Variants in CSMD1 observed in about 807,000 individuals in gnomAD.
CSMD1 encodes CUB and Sushi multiple domains 1, also known as CUB and sushi domain-containing protein 1.
In CSMD1, 213 loss-of-function variants were observed where a neutral mutation model predicts 417.5. That is an observed-to-expected ratio of 0.51 (90% CI 0.46 to 0.57). The LOEUF (loss-of-function observed/expected upper bound fraction) is 0.57, where lower values mean the gene tolerates loss of function less well. Among genes scored for constraint, CSMD1 ranks in the 20% least tolerant of loss-of-function variants. CSMD1 has a pLI of 0.00. For synonymous variants in CSMD1, 2,862 were observed against 1,736.8 expected, an observed-to-expected ratio of 1.65 and a Z score of -16.11; for missense variants, 6,923 against 4,529.7, an observed-to-expected ratio of 1.53 and a Z score of -15.17.
Position 2,978,632 on chromosome 8 carries a change from C to G in CSMD1, c.8546G>C (p.Arg2849Pro), listed in dbSNP as rs753061316. 2 of 1,596,020 alleles carry G rather than the reference C, an allele frequency of 1.3e-6. No homozygotes were observed. Among genetic ancestry groups the G allele is most frequent in the Non-Finnish European group, 1.7e-6 (2 of 1,170,810 alleles). Residue 2849 changes from arginine (R) to proline (P), a missense_variant, in exon 55 of 70, where the codon CGA becomes CCA. Physicochemically the swap from Arg to Pro is moderately radical, Grantham distance 103. Coordinates refer to ENST00000635120, the MANE Select transcript of CSMD1 (RefSeq NM_033225.6). ...CTTACCCAAACACTTGGGCAGGGATCGGTCCCATAAGCCATTTGCCATACA... is the reference window on the plus strand; with the variant it reads ...CTTACCCAAACACTTGGGCAGGGATGGGTCCCATAAGCCATTTGCCATACA... ...LTCMANGLWD[R>P]SLPKCLAISC...
rs533436711 is a variant in CSMD1 at position 3,802,887 on chromosome 8, A to G, written c.819-48845T>C. 3.7e-4 allele frequency among the ~76,000 whole-genome samples: 57 copies of G among 152,312 alleles called. 1 individual carries two copies. The South Asian group carries it at 0.011, about 29-fold the overall frequency. ...AGATGATGTGGTCTTTAAAAAGAAT[A>G]GTTTGATTTGACAAAGGAAAACAGG... On this transcript the variant is annotated intron_variant, in intron 5 of 69. Coordinates refer to ENST00000635120, the MANE Select transcript of CSMD1 (RefSeq NM_033225.6).
At position 3,967,040 on chromosome 8, in the gene CSMD1, G is replaced by T. The variant is rs980272549; in HGVS notation, c.818+30863C>A. Among the ~76,000 whole-genome samples, 7 of 152,172 alleles carry T rather than the reference G, an allele frequency of 4.6e-5. No homozygotes were observed. In the East Asian group the frequency reaches 1.3e-3, roughly 29 times the overall value. ...AATAATCTCCAAGGCCGTTTTAGTT[G>T]AGGTAATCCAGATATTGAAATCAGA... On this transcript the variant is annotated intron_variant, in intron 5 of 69. Transcript: ENST00000635120.
chr8:4,243,661 G>A (rs1328828913), intron 3 of CSMD1, among the ~76,000 whole-genome samples: 1 of 152,120 alleles, frequency 6.6e-6, no homozygotes, highest in South Asian at 2.1e-4. Context: ...ACACATGTGT[G>A]ATATTGCAAC....
chr8:3,703,809 G>A (rs775558517), intron 7 of CSMD1, among the ~76,000 whole-genome samples: 13 of 152,160 alleles, frequency 8.5e-5, no homozygotes, highest in Non-Finnish European at 1.9e-4. Flanking sequence ...GGTGGCTCAT[G>A]ACTGTAATCC....
chr8:4,908,987 C>G (rs1215841074), intron 1 of CSMD1, among the ~76,000 whole-genome samples: 1 of 152,082 alleles, frequency 6.6e-6, no homozygotes, highest in Non-Finnish European at 1.5e-5. Flanking sequence ...TGCTTTTTCT[C>G]GTTTTCTTTT....
chr8:3,732,799 G>A (rs7826718), intron 6 of CSMD1, among the ~76,000 whole-genome samples: 42,102 of 151,962 alleles, frequency 0.28, 6,495 homozygotes, highest in East Asian at 0.41. Context: ...GAGTGATTCC[G>A]TTTCACCTGG....
intron 3 of CSMD1, among the ~76,000 whole-genome samples, chr8:4,190,910 G>A (rs918270963): frequency 1.3e-5 from 2 of 151,110 alleles, no homozygotes; most frequent in South Asian, 2.1e-4. Flanking sequence ...AGAACACATG[G>A]GTACACATAG....
intron 62 of CSMD1, among the ~76,000 whole-genome samples, chr8:2,958,615 T>G (rs1803202156): frequency 6.6e-6 from 1 of 152,234 alleles, no homozygotes; most frequent in Admixed American, 6.5e-5. Context: ...TCTGTGTATC[T>G]GCAGCATGAG....
chr8:3,482,681 T>C (rs954472131), intron 11 of CSMD1, among the ~76,000 whole-genome samples: 3 of 152,180 alleles, frequency 2.0e-5, no homozygotes, highest in Non-Finnish European at 4.4e-5. Flanking sequence ...TACACATGTT[T>C]TTCAAAGCCC....
intron 42 of CSMD1, among the ~76,000 whole-genome samples, chr8:3,111,345 T>C (rs1437909084): frequency 7.0e-6 from 1 of 141,990 alleles, no homozygotes. Flanking sequence ...GATTTGGATC[T>C]TTTCATCAGA....
At chr8:3,849,247 A>G (rs1379099277) in intron 5 of CSMD1, among the ~76,000 whole-genome samples, 2 of 152,154 alleles carry the variant, frequency 1.3e-5, no homozygotes, top group Non-Finnish European at 2.9e-5. Flanking sequence ...AAAACGAAAC[A>G]AAACCACAGG....
At chr8:4,011,614 A>C (rs1192182776) in intron 4 of CSMD1, among the ~76,000 whole-genome samples, 1 of 152,176 alleles carries the variant, frequency 6.6e-6, no homozygotes, top group Non-Finnish European at 1.5e-5. Flanking sequence ...AGTGACATTT[A>C]ACATTCATCC....
At chr8:3,502,723 A>G (rs1796658310) in intron 10 of CSMD1, among the ~76,000 whole-genome samples, 2 of 152,318 alleles carry the variant, frequency 1.3e-5, no homozygotes, top group African/African-American at 4.8e-5. Context: ...AGGGATGAAG[A>G]GCAGGAGCAC....
At chr8:4,737,952 A>G (rs1810352634) in intron 1 of CSMD1, among the ~76,000 whole-genome samples, 1 of 152,192 alleles carries the variant, frequency 6.6e-6, no homozygotes, top group Admixed American at 6.5e-5. Flanking sequence ...TGAAATGTTA[A>G]TTTTCAGGTA....
At chr8:4,425,208 T>C (rs541789106) in intron 2 of CSMD1, among the ~76,000 whole-genome samples, 2 of 152,154 alleles carry the variant, frequency 1.3e-5, no homozygotes, top group African/African-American at 4.8e-5. Context: ...GGTCAAATGA[T>C]ATTAGTTCAG....
At chr8:3,980,963 G>A (rs530859740) in intron 5 of CSMD1, among the ~76,000 whole-genome samples, 77 of 152,216 alleles carry the variant, frequency 5.1e-4, no homozygotes, top group Admixed American at 1.2e-3. Flanking sequence ...AAGAGTAGGG[G>A]CCCTGCTCAC....
At chr8:3,414,598 C>T (rs950790692) in intron 12 of CSMD1, among the ~76,000 whole-genome samples, 1 of 152,128 alleles carries the variant, frequency 6.6e-6, no homozygotes, top group Non-Finnish European at 1.5e-5. Context: ...GATAACCGTA[C>T]CTTGCTTGAA....
chr8:3,810,489 G>A (rs991016077), intron 5 of CSMD1, among the ~76,000 whole-genome samples: 1 of 152,098 alleles, frequency 6.6e-6, no homozygotes. Flanking sequence ...CAGCCTTTGG[G>A]ACCTGGGGCT....
chr8:4,169,886 T>C (rs189583385), intron 3 of CSMD1, among the ~76,000 whole-genome samples: 1 of 152,164 alleles, frequency 6.6e-6, no homozygotes, highest in Admixed American at 6.5e-5. Context: ...TTACTTCTGT[T>C]TTCTATGAGT....
Sources: gnomAD v4.1 joint callset for allele counts (sites outside exome capture counted in the v4.1 genomes callset) on GRCh38, gnomAD v4.1.1 for gene constraint, MANE v1.5 for transcripts, NCBI Gene and HGNC (gene_info 2026-07-23, HGNC 2026-07-21) for gene names.